ABCA12: variants seen among roughly 807,000 people sequenced by gnomAD.
ABCA12 encodes the protein ATP binding cassette subfamily A member 12, also known as glucosylceramide transporter ABCA12.
In ABCA12, 156 loss-of-function variants were observed where a neutral mutation model predicts 293.5. The observed-to-expected ratio is 0.53, with a 90% CI of 0.47 to 0.61. The LOEUF (loss-of-function observed/expected upper bound fraction) is 0.61, where lower values mean the gene tolerates loss of function less well. ABCA12 is among the 20% of genes least tolerant of loss of function. The probability of loss-of-function intolerance (pLI) is 0.00; values close to 1 mark genes in which losing one functional copy is unlikely to be tolerated. For missense variants in ABCA12, 2,797 were observed against 3,090.2 expected (o/e 0.91, Z 2.25); for synonymous variants, 1,063 against 1,108.0 (o/e 0.96, Z 0.81).
At chr2:214,996,384 T>C (rs759984710) in intron 23 of ABCA12, among the ~76,000 whole-genome samples, 90 of 152,140 alleles carry the variant, frequency 5.9e-4, no homozygotes, top group Non-Finnish European at 1.0e-3. Flanking sequence ...ATTTTAAAGG[T>C]AGGTATTAAT....
chr2:215,058,410 C>T (rs1365112335), intron 3 of ABCA12, among the ~76,000 whole-genome samples: 1 of 151,988 alleles, frequency 6.6e-6, no homozygotes, highest in Non-Finnish European at 1.5e-5. Context: ...TTATTCAACT[C>T]ATCCCCATTT....
At chr2:214,996,287 A>G (rs1017928857) in intron 23 of ABCA12, among the ~76,000 whole-genome samples, 19 of 152,230 alleles carry the variant, frequency 1.2e-4, no homozygotes, top group African/African-American at 4.3e-4. Flanking sequence ...TGTGTATTAT[A>G]TACACACAGT....
At chr2:214,961,618 A>C (rs1699115294) in intron 39 of ABCA12, among the ~76,000 whole-genome samples, 1 of 152,138 alleles carries the variant, frequency 6.6e-6, no homozygotes, top group South Asian at 2.1e-4. Context: ...CTCAACAATA[A>C]ATGTCTTTTG....
rs901068191 is a variant in ABCA12, at chr2:215,018,056, C to T, written c.1734G>A (p.Arg578=). 2 of 1,614,004 alleles carry T rather than the reference C, an allele frequency of 1.2e-6. No homozygotes were observed. Among genetic ancestry groups the T allele is most frequent in the Admixed American group, 3.3e-5 (2 of 59,998 alleles). Residue 578 remains arginine (R), a synonymous_variant, in exon 14 of 53, where the codon AGG becomes AGA. Coordinates refer to ENST00000272895, the MANE Select transcript of ABCA12 (RefSeq NM_173076.3). ...GAATGGCCAGCAACTTGTCAATAGT[C>T]CTGTTGGACATTCCTGTTGTTCTCC... ...DLRRTTGMSN[R]TIDKLLAIPI... is the part of the protein sequence containing the mutation.
chr2:215,035,211 T>G (rs1222555194), intron 8 of ABCA12, among the ~76,000 whole-genome samples: 1 of 152,220 alleles, frequency 6.6e-6, no homozygotes, highest in Non-Finnish European at 1.5e-5. Flanking sequence ...TAGTAACTTT[T>G]AGGAATTGAC....
intron 7 of ABCA12, among the ~76,000 whole-genome samples, chr2:215,040,759 C>T (rs1701082958): frequency 6.6e-6 from 1 of 152,100 alleles, no homozygotes; most frequent in South Asian, 2.1e-4. Context: ...TTGCAGTGAG[C>T]TGAGATCATA....
intron 39 of ABCA12, among the ~76,000 whole-genome samples, chr2:214,965,780 G>A (rs1699241190): frequency 6.6e-6 from 1 of 152,188 alleles, no homozygotes; most frequent in South Asian, 2.1e-4. Flanking sequence ...TACACTGTTT[G>A]TTAGTAAGAA....
intron 2 of ABCA12, among the ~76,000 whole-genome samples, chr2:215,081,508 AAAAGAAAAAAGAAAAAGT>A (rs1328918091): frequency 6.6e-6 from 1 of 150,592 alleles, no homozygotes; most frequent in East Asian, 1.9e-4. Flanking sequence ...AGAAAAAAGA[AAAAGAAAAAAGAAAAAGT>A]AAAAGAAAAA....
chr2:215,076,523 G>C (rs1288068063), intron 2 of ABCA12, among the ~76,000 whole-genome samples: 1 of 152,092 alleles, frequency 6.6e-6, no homozygotes, highest in African/African-American at 2.4e-5. Flanking sequence ...CAAGTGTTGA[G>C]AGGATATGGA....
intron 33 of ABCA12, among the ~76,000 whole-genome samples, chr2:214,977,896 CT>C (rs966695085): frequency 1.9e-5 from 2 of 106,464 alleles, no homozygotes; most frequent in East Asian, 2.4e-4. Flanking sequence ...TTTTTTTTTC[CT>C]TTTTTTTATG....
intron 19 of ABCA12, among the ~76,000 whole-genome samples, chr2:215,005,405 T>C (rs992494058): frequency 1.3e-5 from 2 of 152,224 alleles, no homozygotes; most frequent in Admixed American, 6.5e-5. Context: ...TTTTGTTTTA[T>C]TGTCATGGGG....
intron 2 of ABCA12, among the ~76,000 whole-genome samples, chr2:215,089,110 A>G (rs1030934440): frequency 6.6e-6 from 1 of 152,248 alleles, no homozygotes; most frequent in Admixed American, 6.5e-5. Context: ...ATAATATGGG[A>G]TCTAGGAAAC....
intron 2 of ABCA12, among the ~76,000 whole-genome samples, chr2:215,104,700 A>G (rs1702427184): frequency 6.6e-6 from 1 of 152,228 alleles, no homozygotes; most frequent in South Asian, 2.1e-4. Context: ...TGGCCGTGAA[A>G]TTCAAAAGCT....
rs1701384258 is a variant in ABCA12 at position 215,054,604 on chromosome 2, G to A, written c.378C>T (p.Thr126=). 1 of 1,611,886 alleles carries A rather than the reference G, an allele frequency of 6.2e-7. No homozygotes were observed. Among genetic ancestry groups the A allele is most frequent in the Non-Finnish European group, 8.5e-7 (1 of 1,178,558 alleles). ...ATGCATGCCTTCTTTCTGGAACTTG[G>A]GTGCTCTGGAATGATAAACTGCTGT... ...DKDSSLSFQS[T]QVPERRHASL... is the part of the protein sequence containing the mutation. The change falls in exon 4 of 53, where the codon ACC becomes ACT. Residue 126 remains threonine, a synonymous_variant. Coordinates refer to ENST00000272895, the MANE Select transcript of ABCA12 (RefSeq NM_173076.3).
chr2:214,934,588 T>C (rs1326407589), intron 51 of ABCA12, among the ~76,000 whole-genome samples: 1 of 152,166 alleles, frequency 6.6e-6, no homozygotes, highest in African/African-American at 2.4e-5. Context: ...ATTTTTGTGT[T>C]AGAAGTGTTC....
At chr2:214,991,208 C>T (rs1009247523) in intron 23 of ABCA12, among the ~76,000 whole-genome samples, 177 bp from the exon 24 acceptor site, 3 of 152,164 alleles carry the variant, frequency 2.0e-5, no homozygotes, top group African/African-American at 7.2e-5. Flanking sequence ...TGCCTATATA[C>T]ACCAGAACAA....
chr2:215,043,174 T>C (rs1448836359), intron 7 of ABCA12, among the ~76,000 whole-genome samples: 1 of 152,196 alleles, frequency 6.6e-6, no homozygotes, highest in African/African-American at 2.4e-5. Flanking sequence ...TGAGTGATGT[T>C]GAGCATTTTA....
chr2:214,996,272 ATG>A (rs1264990578), intron 23 of ABCA12, among the ~76,000 whole-genome samples: 2 of 152,164 alleles, frequency 1.3e-5, no homozygotes, highest in Non-Finnish European at 2.9e-5. Context: ...AAATAATACA[ATG>A]TGTGTGTATT....
chr2:214,978,934 A>T lies in ABCA12; in HGVS notation c.4847T>A (p.Leu1616His). Residue 1616 changes from leucine to histidine, a missense_variant, in exon 32 of 53, where the codon CTT becomes CAT. Coordinates refer to ENST00000272895, the MANE Select transcript of ABCA12 (RefSeq NM_173076.3). ...GCTGAATGGAGGAAGTACATAAACA[A>T]GCTCTCCCCCAATATCCTCCTTGAG... is the stretch of plus-strand genomic sequence containing the variant. ...AYLKEDIGGELVYVLPPFSTK... is the reference protein window; with the variant it reads ...AYLKEDIGGEHVYVLPPFSTK... 6.2e-7 allele frequency: 1 copy of T among 1,614,096 alleles called. No individual in the cohort carries two copies. Among genetic ancestry groups the T allele is most frequent in the Non-Finnish European group, 8.5e-7 (1 of 1,179,994 alleles).
Sources: allele counts gnomAD v4.1 joint callset (sites outside exome capture counted in the v4.1 genomes callset), GRCh38; gene constraint gnomAD v4.1.1; transcripts MANE v1.5; gene names NCBI Gene and HGNC (gene_info 2026-07-23, HGNC 2026-07-21).